Variants in DNAJB12 observed in about 807,000 individuals in gnomAD.
DNAJB12 encodes dnaJ homolog subfamily B member 12.
In DNAJB12, 14 loss-of-function variants were observed where a neutral mutation model predicts 40.6. The observed-to-expected ratio is 0.34, with a 90% CI of 0.23 to 0.54. The LOEUF (loss-of-function observed/expected upper bound fraction) is 0.54. DNAJB12 is among the 20% of genes least tolerant of loss of function. The pLI is 0.92. For synonymous variants in DNAJB12, 181 were observed against 199.5 expected (o/e 0.91, Z 0.78); for missense variants, 444 against 501.7 (o/e 0.89, Z 1.10).
chr10:72,343,085 G>A (rs1589128361), intron 3 of DNAJB12, among the ~76,000 whole-genome samples: 1 of 152,232 alleles, frequency 6.6e-6, no homozygotes, highest in African/African-American at 2.4e-5. Flanking sequence ...CCTTGGAGAA[G>A]CTACTAGAAC....
At chr10:72,346,808 G>A (rs988336099) in intron 1 of DNAJB12, among the ~76,000 whole-genome samples, 2 of 151,998 alleles carry the variant, frequency 1.3e-5, no homozygotes, top group African/African-American at 4.8e-5. Flanking sequence ...CAGTGTATTT[G>A]GTTTTACTCT....
At chr10:72,344,915 TCTCCCCAGG>T (rs752175823) in intron 2 of DNAJB12, 26 bp downstream of exon 2, 22 of 1,612,440 alleles carry the variant, frequency 1.4e-5, no homozygotes, top group Non-Finnish European at 1.6e-5. Context: ...ATTTCCCCAG[TCTCCCCAGG>T]CTCCAGCCCC....
rs1337032031 is a variant in DNAJB12 at position 72,339,745 on chromosome 10, GCT to G, written c.723+1042_723+1043del. ...TTTTTTTTTTTTGAGACGGAGTCTT[GCT>G]CTGTTGCCTAGGATGGAGTGCAGTG... On this transcript the variant is annotated intron_variant, in intron 5 of 8. Coordinates refer to ENST00000444643, the MANE Select transcript of DNAJB12 (RefSeq NM_017626.7). 3.4e-5 allele frequency among the ~76,000 whole-genome samples: 5 copies of G among 146,318 alleles called. No individual in the cohort carries two copies. In the South Asian group the frequency reaches 8.6e-4, roughly 25 times the overall value.
In DNAJB12 at chr10:72,343,411, G is replaced by A; in HGVS notation, c.412C>T (p.His138Tyr). 2.5e-6 allele frequency: 4 copies of A among 1,614,118 alleles called. No homozygotes were observed. Residue 138 changes from histidine to tyrosine, a missense_variant, in exon 3 of 9, where the codon CAC (histidine) becomes TAC (tyrosine). Coordinates refer to ENST00000444643, the MANE Select transcript of DNAJB12 (RefSeq NM_017626.7). The part of the protein sequence containing the change: ...KAYRRLALKF[H>Y]PDKNHAPGAT... ...CCAGGTGCGTGGTTCTTGTCTGGGT[G>A]GAATTTGAGGGCCAGTCTGCGGTAG...
At chr10:72,354,505 T>C (rs1862013906) in intron 1 of DNAJB12, 3 of 448,304 alleles carry the variant, frequency 6.7e-6, no homozygotes, top group South Asian at 3.7e-5. Context: ...CGTTTCATTC[T>C]CGGAGACCTC....
At position 72,345,081 on chromosome 10, in the gene DNAJB12, T is replaced by A. The variant is rs111565154; in HGVS notation, c.180A>T (p.Gln60His). The A allele has an allele frequency of 6.8e-6, 11 of 1,613,972 alleles. No individual in the cohort carries two copies. In the African/African-American group the frequency reaches 8.0e-5, roughly 12 times the overall value. Residue 60 changes from glutamine to histidine, a missense_variant, in exon 2 of 9, where the codon CAA (glutamine) becomes CAT (histidine). Physicochemically the swap from Gln to His is conservative, Grantham distance 24. Coordinates refer to ENST00000444643, the MANE Select transcript of DNAJB12 (RefSeq NM_017626.7). ...CATGGGTTGTGTCTGTGGGTGGGGG[T>A]TGGTCACCGGCAGTCTGTGGTTTCT... ...LNQKPQTAGDQPPPTDTTHAT... is the reference protein window; with the variant it reads ...LNQKPQTAGDHPPPTDTTHAT...
At chr10:72,348,461 GCAGCACATCC>G (rs1387857266) in intron 1 of DNAJB12, among the ~76,000 whole-genome samples, 4 of 152,350 alleles carry the variant, frequency 2.6e-5, no homozygotes, top group African/African-American at 7.2e-5. Flanking sequence ...AGGAAGGACA[GCAGCACATCC>G]CAGCACATTC....
chr10:72,348,836 T>A (rs972191604), intron 1 of DNAJB12, among the ~76,000 whole-genome samples: 4 of 152,228 alleles, frequency 2.6e-5, no homozygotes, highest in Non-Finnish European at 4.4e-5. Context: ...TTCACAGTGA[T>A]CTGCATTAGC....
In DNAJB12 at chr10:72,343,398, T is replaced by C. The variant is rs1167653069; in HGVS notation, c.425A>G (p.Asn142Ser). Residue 142 changes from asparagine (N) to serine (S), a missense_variant, in exon 3 of 9, where the codon AAC (asparagine) becomes AGC (serine). Coordinates refer to ENST00000444643, the MANE Select transcript of DNAJB12 (RefSeq NM_017626.7). ...RLALKFHPDK[N>S]HAPGATEAFK... Reference sequence around the variant, plus strand: ...GGCTTCAGTGGCACCAGGTGCGTGGTTCTTGTCTGGGTGGAATTTGAGGGC... The same window carrying C: ...GGCTTCAGTGGCACCAGGTGCGTGGCTCTTGTCTGGGTGGAATTTGAGGGC... The C allele has an allele frequency of 1.2e-6, 2 of 1,613,972 alleles. No individual in the cohort carries two copies. The highest frequency in any genetic ancestry group is 1.7e-6 in the Non-Finnish European group (2 of 1,179,936).
At chr10:72,347,566 T>C (rs1481643834) in intron 1 of DNAJB12, among the ~76,000 whole-genome samples, 1 of 152,260 alleles carries the variant, frequency 6.6e-6, no homozygotes, top group African/African-American at 2.4e-5. Flanking sequence ...TCCTCTTCAA[T>C]GTCTGGAGTC....
intron 1 of DNAJB12, among the ~76,000 whole-genome samples, chr10:72,347,739 C>T (rs1341543162): frequency 6.6e-6 from 1 of 152,006 alleles, no homozygotes; most frequent in Non-Finnish European, 1.5e-5. Context: ...CATGGTGAAA[C>T]CCCGTCTCTA....
rs374903185 is a variant in DNAJB12 at position 72,336,497 on chromosome 10, C to T, written c.1006+27G>A. 9.3e-6 allele frequency: 15 copies of T among 1,605,808 alleles called. No individual in the cohort carries two copies. In the African/African-American group the frequency reaches 1.7e-4, roughly 19 times the overall value. On this transcript the variant is annotated intron_variant, in intron 7 of 8. Coordinates refer to ENST00000444643, the MANE Select transcript of DNAJB12 (RefSeq NM_017626.7). ...TTCATCCCAAGCCACCTCCCAAATA[C>T]AGCCCCCGCCTTCCCCCCACACTCA...
chr10:72,354,711 G>T (rs553721615), intron 1 of DNAJB12, 54 bp downstream of exon 1: 83 of 1,444,256 alleles, frequency 5.7e-5, no homozygotes, highest in Non-Finnish European at 1.5e-5. Flanking sequence ...GTCCGTTCCC[G>T]TGTTCCCCCC....
At chr10:72,334,779 G>A (rs1861421344) in intron 8 of DNAJB12, 162 bp from the exon 9 acceptor site, 4 of 1,396,538 alleles carry the variant, frequency 2.9e-6, no homozygotes, top group Non-Finnish European at 3.7e-6. Context: ...CGGCAGCACA[G>A]AGGCAGGCAC....
At position 72,335,646 on chromosome 10, in the gene DNAJB12, C is replaced by A; in HGVS notation, c.*30+134G>T. 7.0e-7 allele frequency: 1 copy of A among 1,432,946 alleles called. No individual in the cohort carries two copies. Among genetic ancestry groups the A allele is most frequent in the Non-Finnish European group, 9.1e-7 (1 of 1,095,416 alleles). 88.8% of individuals were successfully genotyped at this position (1,432,946 alleles called of 1,614,324 possible). ...CCCACAGCTGCTCGGTCTCTGGAGGCTGGAGGTCAGGCTGGGGACAGGAGT... is the reference window on the plus strand; with the variant it reads ...CCCACAGCTGCTCGGTCTCTGGAGGATGGAGGTCAGGCTGGGGACAGGAGT... On this transcript the variant is annotated intron_variant, in intron 8 of 8. Coordinates refer to ENST00000444643, the MANE Select transcript of DNAJB12 (RefSeq NM_017626.7). The surrounding 1 kb of genome is among the most constrained non-coding windows in gnomAD (Gnocchi z 4.4).
chr10:72,342,011 T>C (rs1284184668), intron 3 of DNAJB12, among the ~76,000 whole-genome samples: 2 of 152,200 alleles, frequency 1.3e-5, no homozygotes, highest in East Asian at 3.8e-4. Context: ...GGAGGTTCTG[T>C]AAACCTGAAG....
At chr10:72,341,435 G>T (rs1015331468) in intron 3 of DNAJB12, among the ~76,000 whole-genome samples, 3 of 152,130 alleles carry the variant, frequency 2.0e-5, no homozygotes, top group Admixed American at 6.5e-5. Flanking sequence ...AATGTGCCAG[G>T]CCTCCTAGGA....
At chr10:72,337,233 G>C (rs938380433) in intron 6 of DNAJB12, among the ~76,000 whole-genome samples, 1 of 152,238 alleles carries the variant, frequency 6.6e-6, no homozygotes, top group Non-Finnish European at 1.5e-5. Context: ...CCCTGCCCTA[G>C]TCCTCTGCTC....
Position 72,345,108 on chromosome 10 carries a change from G to A in DNAJB12, c.153C>T (p.Asn51=), listed in dbSNP as rs757512954. 7.4e-6 allele frequency: 12 copies of A among 1,612,722 alleles called. No individual in the cohort carries two copies. Among genetic ancestry groups the A allele is most frequent in the Admixed American group, 1.7e-5 (1 of 59,914 alleles). Residue 51 remains asparagine (N), a synonymous_variant, in exon 2 of 9, where the codon AAC becomes AAT. Transcript: ENST00000444643. ...GGTCACCGGCAGTCTGTGGTTTCTGGTTGAGGGACTCAATCAGGGCTGTGC... is the reference window on the plus strand; with the variant it reads ...GGTCACCGGCAGTCTGTGGTTTCTGATTGAGGGACTCAATCAGGGCTGTGC... ...PRVRALIESL[N]QKPQTAGDQP... is the part of the protein sequence containing the mutation.
Sources: allele counts gnomAD v4.1 joint callset (sites outside exome capture counted in the v4.1 genomes callset), GRCh38; gene constraint gnomAD v4.1.1; non-coding constraint Gnocchi (gnomAD v3.1); transcripts MANE v1.5; gene names NCBI Gene and HGNC (gene_info 2026-07-23, HGNC 2026-07-21).